The following STARD13 variants were observed in gnomAD, a reference collection of about 807,000 sequenced individuals.
The protein encoded by STARD13 is StAR related lipid transfer domain containing 13.
A neutral mutation model predicts 106.4 loss-of-function variants in STARD13; 62 were observed. The ratio of observed to expected loss-of-function variants is 0.58; its 90% CI spans 0.48 to 0.72. The LOEUF (loss-of-function observed/expected upper bound fraction) is 0.72, where lower values mean the gene tolerates loss of function less well. STARD13 is among the 30% of genes least tolerant of loss of function. The probability of loss-of-function intolerance (pLI) is 0.00; values close to 1 mark genes in which losing one functional copy is unlikely to be tolerated. For synonymous variants in STARD13, 565 were observed against 553.0 expected, an observed-to-expected ratio of 1.02 and a Z score of -0.31; for missense variants, 1,387 against 1,424.0, an observed-to-expected ratio of 0.97 and a Z score of 0.42.
At position 33,104,456 on chromosome 13, in the gene STARD13, T is replaced by C. The variant is rs917534366; in HGVS notation, c.*1137A>G. 6.5e-6 allele frequency: 1 copy of C among 152,674 alleles called. No individual in the cohort carries two copies. The highest frequency in any genetic ancestry group is 2.4e-5 in the African/African-American group (1 of 41,458). 9.5% of individuals were successfully genotyped at this position (152,674 alleles called of 1,614,324 possible). A position where few individuals can be genotyped will look rare whatever the true frequency, so the allele number is the denominator to read the frequency against. ...TGTCTTTCAGATTGTAAAAGTTTAA[T>C]GAATTACATTTTAAGAGTATCCTAC... On this transcript the variant is annotated 3_prime_UTR_variant, in exon 14 of 14. Transcript: ENST00000336934.
chr13:33,647,890 C>T, the STARD13 span, among the ~76,000 whole-genome samples: 3 of 151,890 alleles, frequency 2.0e-5, no homozygotes, highest in African/African-American at 7.3e-5. Context: ...AAATAATATA[C>T]AATTAAATAA....
At chr13:33,351,488 C>T (rs1398618566), upstream of STARD13, among the ~76,000 whole-genome samples, 2 of 152,164 alleles carry the variant, frequency 1.3e-5, no homozygotes, top group African/African-American at 4.8e-5. Flanking sequence ...TCAACTCATT[C>T]ATAAGGAGAA....
chr13:33,198,782 G>T (rs1289908397), intron 1 of STARD13, among the ~76,000 whole-genome samples: 1 of 152,094 alleles, frequency 6.6e-6, no homozygotes, highest in Non-Finnish European at 1.5e-5. Context: ...ATGGACAGGT[G>T]GGTTATTGCA....
intron 3 of STARD13, among the ~76,000 whole-genome samples, chr13:33,154,444 T>C (rs1881703308): frequency 6.6e-6 from 1 of 152,222 alleles, no homozygotes; most frequent in Non-Finnish European, 1.5e-5. Context: ...TAAGTATATG[T>C]ATGCTGTCCA....
At chr13:33,149,370 A>T (rs1880969008) in intron 3 of STARD13, among the ~76,000 whole-genome samples, 1 of 152,222 alleles carries the variant, frequency 6.6e-6, no homozygotes, top group South Asian at 2.1e-4. Context: ...AAATTCTCTA[A>T]GAAACAAAGT....
chr13:33,586,754 C>A, the STARD13 span, among the ~76,000 whole-genome samples: 5 of 152,072 alleles, frequency 3.3e-5, no homozygotes, highest in Admixed American at 3.3e-4. Context: ...AAGCTATGAC[C>A]CTGATAGGTG....
intron 1 of STARD13, among the ~76,000 whole-genome samples, chr13:33,262,662 A>ACACAACACACACAC (rs5802678): frequency 7.1e-4 from 82 of 114,988 alleles, no homozygotes; most frequent in African/African-American, 2.0e-3. Flanking sequence ...ACACACACAC[A>ACACAACACACACAC]ACACACACAC....
chr13:33,325,593 A>C (rs2077764368), intron 1 of STARD13, among the ~76,000 whole-genome samples: 1 of 152,196 alleles, frequency 6.6e-6, no homozygotes, highest in South Asian at 2.1e-4. Flanking sequence ...AAAGGCGAAG[A>C]AAAGATTTTT....
chr13:33,602,310 C>T, the STARD13 span, among the ~76,000 whole-genome samples: 1 of 152,164 alleles, frequency 6.6e-6, no homozygotes, highest in South Asian at 2.1e-4. Flanking sequence ...CCAGGATGGT[C>T]TCGATCTCCT....
the STARD13 span, among the ~76,000 whole-genome samples, chr13:33,592,525 G>T: frequency 6.6e-6 from 1 of 152,140 alleles, no homozygotes; most frequent in Non-Finnish European, 1.5e-5. Context: ...AGATACTCCA[G>T]AGATCAGATA....
intron 1 of STARD13, among the ~76,000 whole-genome samples, chr13:33,174,767 A>T (rs1253146084): frequency 6.6e-6 from 1 of 152,208 alleles, no homozygotes; most frequent in Non-Finnish European, 1.5e-5. Context: ...GGCACTATGG[A>T]CCTTTATCTC....
At chr13:33,632,042 T>G in the STARD13 span, among the ~76,000 whole-genome samples, 5,977 of 152,302 alleles carry the variant, frequency 0.039, 402 homozygotes, top group African/African-American at 0.13. Context: ...TGCCATTTAA[T>G]GGAATCATTA....
At chr13:33,405,643 A>G in the STARD13 span, among the ~76,000 whole-genome samples, 1 of 152,268 alleles carries the variant, frequency 6.6e-6, no homozygotes, top group Non-Finnish European at 1.5e-5. Context: ...AATAAGTAAT[A>G]TAGCAGCCTT....
the STARD13 span, among the ~76,000 whole-genome samples, chr13:33,449,832 A>AT: frequency 6.6e-6 from 1 of 151,758 alleles, no homozygotes; most frequent in Non-Finnish European, 1.5e-5. Flanking sequence ...TTCCTAGGTA[A>AT]TTTTTTGTAG....
At chr13:33,455,993 C>A in the STARD13 span, among the ~76,000 whole-genome samples, 3 of 151,896 alleles carry the variant, frequency 2.0e-5, no homozygotes, top group Non-Finnish European at 4.4e-5. Flanking sequence ...TAAATAACAA[C>A]GAATAATATT....
At chr13:33,158,747 C>T (rs1355867559) in intron 3 of STARD13, 1 of 152,110 alleles carries the variant, frequency 6.6e-6, no homozygotes, top group Non-Finnish European at 1.5e-5. Flanking sequence ...AAAGTGCTGC[C>T]GTTCCCCGCG....
At chr13:33,595,542 C>G in the STARD13 span, among the ~76,000 whole-genome samples, 1 of 151,656 alleles carries the variant, frequency 6.6e-6, no homozygotes, top group Non-Finnish European at 1.5e-5. Context: ...AGAAAGATAC[C>G]CTTATTTAAA....
chr13:33,481,909 AG>A, the STARD13 span, among the ~76,000 whole-genome samples: 3 of 151,040 alleles, frequency 2.0e-5, no homozygotes, highest in African/African-American at 7.3e-5. Context: ...CGTGAACCCA[AG>A]GGGCGGAGCT....
chr13:33,580,067 C>T, the STARD13 span, among the ~76,000 whole-genome samples: 1 of 152,114 alleles, frequency 6.6e-6, no homozygotes, highest in East Asian at 1.9e-4. Flanking sequence ...TTGGTATTAA[C>T]CCAAATGAAT....
Sources: gnomAD v4.1 joint callset for allele counts (sites outside exome capture counted in the v4.1 genomes callset) on GRCh38, gnomAD v4.1.1 for gene constraint, MANE v1.5 for transcripts, NCBI Gene and HGNC (gene_info 2026-07-23, HGNC 2026-07-21) for gene names.